Variants in CLCA2 observed in about 807,000 individuals in gnomAD.
The protein encoded by CLCA2 is calcium-activated chloride channel regulator 2.
CLCA2 carries 85 observed loss-of-function variants against 82.9 expected under a neutral mutation model. The ratio of observed to expected loss-of-function variants is 1.03; its 90% CI spans 0.86 to 1.23. The LOEUF (loss-of-function observed/expected upper bound fraction) is 1.23. Among genes scored for constraint, CLCA2 ranks in the 50% most tolerant of loss-of-function variants. The pLI is 0.00. For missense variants in CLCA2, 1,089 were observed against 1,124.8 expected, an observed-to-expected ratio of 0.97 and a Z score of 0.45; for synonymous variants, 421 against 391.7, an observed-to-expected ratio of 1.07 and a Z score of -0.88.
At chr1:86,437,415 G>A (rs376748300) in intron 6 of CLCA2, among the ~76,000 whole-genome samples, 4 of 152,156 alleles carry the variant, frequency 2.6e-5, no homozygotes, top group African/African-American at 4.8e-5. Context: ...AGCACCTGGC[G>A]CTGTAGAAGA....
chr1:86,439,488 T>C (rs1662680725), intron 7 of CLCA2, among the ~76,000 whole-genome samples: 1 of 152,226 alleles, frequency 6.6e-6, no homozygotes, highest in Admixed American at 6.5e-5. Context: ...CTGTCTATAG[T>C]CATTCTAGAC....
At chr1:86,453,756 G>A (rs979143597) in intron 13 of CLCA2, among the ~76,000 whole-genome samples, 154 bp downstream of exon 13, 3 of 152,208 alleles carry the variant, frequency 2.0e-5, no homozygotes, top group African/African-American at 7.2e-5. Context: ...CAGAAGGACA[G>A]TGTGTTGCCT....
intron 2 of CLCA2, 121 bp from the exon 3 acceptor site, chr1:86,428,297 T>A: frequency 1.1e-6 from 1 of 916,496 alleles, no homozygotes; most frequent in Non-Finnish European, 1.5e-6. Context: ...TGGGTTATAA[T>A]TACATACAAT....
chr1:86,449,849 A>T (rs1662928093), intron 11 of CLCA2, among the ~76,000 whole-genome samples: 1 of 152,174 alleles, frequency 6.6e-6, no homozygotes, highest in Admixed American at 6.5e-5. Flanking sequence ...CCTTCCTGCC[A>T]TTGAGTCATG....
At chr1:86,436,470 G>A (rs1192651168) in intron 6 of CLCA2, among the ~76,000 whole-genome samples, 2 of 152,118 alleles carry the variant, frequency 1.3e-5, no homozygotes, top group South Asian at 2.1e-4. Context: ...ATTGAGAGGG[G>A]AGTAAATGAG....
At chr1:86,429,015 T>C (rs1446721236) in intron 3 of CLCA2, among the ~76,000 whole-genome samples, 1 of 152,062 alleles carries the variant, frequency 6.6e-6, no homozygotes, top group Non-Finnish European at 1.5e-5. Flanking sequence ...CGTTGAAACA[T>C]ACATGAGGGC....
intron 12 of CLCA2, among the ~76,000 whole-genome samples, chr1:86,452,707 A>G (rs1662997830): frequency 6.6e-6 from 1 of 152,108 alleles, no homozygotes; most frequent in Admixed American, 6.5e-5. Context: ...CCTCTTTGAT[A>G]CCACGCTAAA....
rs548292513 is a variant in CLCA2, at chr1:86,444,262, T to C, written c.1713+251T>C. Among the ~76,000 whole-genome samples the C allele has an allele frequency of 1.3e-3, 191 of 152,306 alleles. 1 individual carries two copies. The highest frequency in any genetic ancestry group is 4.3e-3 in the African/African-American group (180 of 41,572). ...TTAGTATTTCCACTAGTATTACAAT[T>C]AATGTTTTTCTAGCCTACATATTTC... On this transcript the variant is annotated intron_variant, in intron 10 of 13. Transcript: ENST00000370565.
chr1:86,449,058 A>T (rs1190488842), intron 11 of CLCA2, among the ~76,000 whole-genome samples: 2 of 152,254 alleles, frequency 1.3e-5, no homozygotes, highest in Non-Finnish European at 2.9e-5. Flanking sequence ...AATAAAAAAT[A>T]CTGCTCAGGC....
Position 86,455,525 on chromosome 1 carries a change from T to C in CLCA2, c.2830T>C (p.Ter944GlnextTer33). ...GAAAGAGAATGGAACAAAATTATTA[T>C]AAATAAATATCCAAAGTGTCTTCCT... ...DKKENGTKLL[*>Q] The change falls in exon 14 of 14, where the codon TAA becomes CAA. Residue 944 changes from the stop codon to glutamine (Q), a stop_lost. Coordinates refer to ENST00000370565, the MANE Select transcript of CLCA2 (RefSeq NM_006536.7). The C allele has an allele frequency of 6.8e-7, 1 of 1,466,278 alleles. No individual in the cohort carries two copies. Among genetic ancestry groups the C allele is most frequent in the Non-Finnish European group, 9.0e-7 (1 of 1,108,122 alleles). 90.8% of individuals were successfully genotyped at this position (1,466,278 alleles called of 1,614,324 possible). A position where few individuals can be genotyped will look rare whatever the true frequency, so the allele number is the denominator to read the frequency against.
chr1:86,435,012 C>G (rs761964758), intron 6 of CLCA2, among the ~76,000 whole-genome samples: 3 of 152,140 alleles, frequency 2.0e-5, no homozygotes, highest in Non-Finnish European at 2.9e-5. Context: ...TCACTGCAGC[C>G]TCGACCTCTA....
In CLCA2 at chr1:86,434,720, T is replaced by A; in HGVS notation, c.947T>A (p.Leu316Gln). The stretch of plus-strand genomic sequence containing the variant: ...GGTGACAAAGTGGTCTGTTTAGTGC[T>A]GGATGTGTCCAGCAAGATGGCAGAG... ...QAGDKVVCLV[L>Q]DVSSKMAEAD... Residue 316 changes from leucine to glutamine, a missense_variant, in exon 6 of 14, where the codon CTG becomes CAG. Coordinates refer to ENST00000370565, the MANE Select transcript of CLCA2 (RefSeq NM_006536.7). 1 of 1,613,562 alleles carries A rather than the reference T, an allele frequency of 6.2e-7. No homozygotes were observed. The highest frequency in any genetic ancestry group is 8.5e-7 in the Non-Finnish European group (1 of 1,179,458).
intron 12 of CLCA2, among the ~76,000 whole-genome samples, 153 bp from the exon 13 acceptor site, chr1:86,453,216 A>G (rs970180875): frequency 3.9e-5 from 6 of 152,212 alleles, no homozygotes; most frequent in African/African-American, 1.2e-4. Context: ...TAAATGGATG[A>G]ATTAGTGTTC....
chr1:86,440,919 A>G (rs1436662111), intron 8 of CLCA2, among the ~76,000 whole-genome samples: 3 of 152,108 alleles, frequency 2.0e-5, no homozygotes, highest in Non-Finnish European at 2.9e-5. Context: ...AAAAGATTAA[A>G]TGCACTAACT....
chr1:86,439,190 A>C (rs1662675328), intron 7 of CLCA2, 84 bp downstream of exon 7: 2 of 1,242,916 alleles, frequency 1.6e-6, no homozygotes, highest in African/African-American at 3.0e-5. Flanking sequence ...GATGATGGGC[A>C]GTTTGTTACA....
At chr1:86,426,733 A>G (rs1269578874) in intron 2 of CLCA2, among the ~76,000 whole-genome samples, 1 of 152,218 alleles carries the variant, frequency 6.6e-6, no homozygotes, top group Non-Finnish European at 1.5e-5. Flanking sequence ...TTACAGAGCC[A>G]TAATTTGAAT....
chr1:86,455,162 ACATCAAAGCGAAATCCT>A lies in CLCA2; in HGVS notation c.2470_2486del (p.Ser824AlafsTer20). 1 of 1,612,586 alleles carries A rather than the reference ACATCAAAGCGAAATCCT, an allele frequency of 6.2e-7. No homozygotes were observed. Among genetic ancestry groups the A allele is most frequent in the Non-Finnish European group, 8.5e-7 (1 of 1,178,870 alleles). On this transcript the variant is annotated frameshift_variant, in exon 14 of 14. Coordinates refer to ENST00000370565, the MANE Select transcript of CLCA2 (RefSeq NM_006536.7). LOFTEE classifies it low-confidence loss of function (END_TRUNC). ...CTTTAACAATGCTATTTTAGTAAAT[ACATCAAAGCGAAATCCT>A]CAGCAAGCTGGCATCAGGGAGATAT...
chr1:86,452,277 G>C (rs4656102), intron 12 of CLCA2, among the ~76,000 whole-genome samples: 1 of 133,252 alleles, frequency 7.5e-6, no homozygotes, highest in Non-Finnish European at 1.5e-5. Flanking sequence ...ATCTGCAGAA[G>C]ACATCTTGAA....
At chr1:86,446,686 G>A (rs1304684652) in intron 10 of CLCA2, among the ~76,000 whole-genome samples, 1 of 152,166 alleles carries the variant, frequency 6.6e-6, no homozygotes, top group African/African-American at 2.4e-5. Flanking sequence ...TCAACCCCTT[G>A]CTTTTCTGTT....
Sources: allele counts gnomAD v4.1 joint callset (sites outside exome capture counted in the v4.1 genomes callset), GRCh38; gene constraint gnomAD v4.1.1; transcripts MANE v1.5; gene names NCBI Gene and HGNC (gene_info 2026-07-23, HGNC 2026-07-21).